Variants in TAFA2 observed in about 807,000 individuals in gnomAD.
TAFA2 encodes the protein TAFA chemokine like family member 2, also known as chemokine-like protein TAFA-2.
In TAFA2, 7 loss-of-function variants were observed where a neutral mutation model predicts 18.8. The observed-to-expected ratio is 0.37, with a 90% CI of 0.21 to 0.70. TAFA2 has a LOEUF of 0.70. Among genes scored for constraint, TAFA2 ranks in the 30% least tolerant of loss-of-function variants. The pLI, the probability that TAFA2 is intolerant of heterozygous loss-of-function variation, is 0.53. For missense variants in TAFA2, 122 were observed against 158.1 expected (o/e 0.77, Z 1.23); for synonymous variants, 60 against 54.2 (o/e 1.11, Z -0.47).
chr12:62,125,370 T>G (rs1013612286), intron 1 of TAFA2, among the ~76,000 whole-genome samples: 2 of 152,074 alleles, frequency 1.3e-5, no homozygotes, highest in Non-Finnish European at 2.9e-5. Flanking sequence ...CACATGCCCA[T>G]GAAGCTGGCC....
chr12:62,006,284 TG>T (rs1441392149), intron 1 of TAFA2, among the ~76,000 whole-genome samples: 1 of 152,194 alleles, frequency 6.6e-6, no homozygotes, highest in Non-Finnish European at 1.5e-5. Flanking sequence ...CACTGCTTTT[TG>T]TTGACAAAGG....
chr12:62,148,027 C>T (rs1312944745), intron 1 of TAFA2, among the ~76,000 whole-genome samples: 2 of 151,598 alleles, frequency 1.3e-5, no homozygotes, highest in African/African-American at 4.9e-5. Context: ...CATCGAACGC[C>T]AGTCAGAATG....
At chr12:62,109,856 T>C (rs1307944847) in intron 1 of TAFA2, among the ~76,000 whole-genome samples, 2 of 152,236 alleles carry the variant, frequency 1.3e-5, no homozygotes, top group Non-Finnish European at 2.9e-5. Flanking sequence ...TGAAGTTGTT[T>C]ATCAGTTTAA....
At chr12:62,234,526 C>G (rs756690957) in intron 1 of TAFA2, 1 of 951,326 alleles carries the variant, frequency 1.1e-6, no homozygotes, top group East Asian at 2.6e-5. Context: ...TTTATATGGT[C>G]AATGTCTGGT....
chr12:62,126,400 T>C lies in TAFA2; in HGVS notation c.-2+64859A>G, dbSNP rs1395395259. On this transcript the variant is annotated intron_variant, in intron 1 of 4. Coordinates refer to ENST00000416284, the MANE Select transcript of TAFA2 (RefSeq NM_178539.5). ...CATATATTTCGTTCCAGATTAGCTG[T>C]TCAGGAATGTTTTTATGTCAAACTG... Among the ~76,000 whole-genome samples the C allele has an allele frequency of 1.3e-5, 2 of 152,088 alleles. 1 individual carries two copies. The highest frequency in any genetic ancestry group is 4.8e-5 in the African/African-American group (2 of 41,420).
intron 1 of TAFA2, among the ~76,000 whole-genome samples, chr12:62,019,309 GC>G: frequency 6.6e-6 from 1 of 152,050 alleles, no homozygotes; most frequent in South Asian, 2.1e-4. Flanking sequence ...ATTTGACCTA[GC>G]CATCCCATTA....
intron 1 of TAFA2, among the ~76,000 whole-genome samples, chr12:62,141,370 T>C (rs2062238001): frequency 6.6e-6 from 1 of 152,280 alleles, no homozygotes; most frequent in East Asian, 1.9e-4. Flanking sequence ...GTTCCAGTTG[T>C]TTCTGCTTGC....
intron 1 of TAFA2, among the ~76,000 whole-genome samples, chr12:62,120,415 T>G (rs1403637427): frequency 1.3e-5 from 2 of 152,188 alleles, no homozygotes; most frequent in Non-Finnish European, 2.9e-5. Context: ...ATAGAAGCAG[T>G]CAATAGCGGT....
At chr12:62,013,297 T>C (rs1880828882) in intron 1 of TAFA2, among the ~76,000 whole-genome samples, 1 of 152,196 alleles carries the variant, frequency 6.6e-6, no homozygotes, top group African/African-American at 2.4e-5. Context: ...TGCCTGCCAG[T>C]ACCCACTCAT....
At chr12:61,995,957 T>C (rs964206215) in intron 1 of TAFA2, among the ~76,000 whole-genome samples, 10 of 152,180 alleles carry the variant, frequency 6.6e-5, no homozygotes, top group South Asian at 4.1e-4. Context: ...ATGTAAATCA[T>C]GTCCCAATAA....
chr12:61,785,174 C>CT (rs888339914), intron 2 of TAFA2, among the ~76,000 whole-genome samples: 11 of 151,498 alleles, frequency 7.3e-5, no homozygotes, highest in South Asian at 4.2e-4. Flanking sequence ...ATAAGATCAA[C>CT]TTTTTTTAGC....
At chr12:62,114,584 T>A (rs11174331) in intron 1 of TAFA2, among the ~76,000 whole-genome samples, 23,605 of 152,178 alleles carry the variant, frequency 0.16, 1,938 homozygotes, top group East Asian at 0.31. Flanking sequence ...ATATCATGGG[T>A]CATGTTGCTA....
intron 4 of TAFA2, among the ~76,000 whole-genome samples, chr12:61,724,926 A>T (rs995690758): frequency 2.1e-5 from 3 of 144,118 alleles, no homozygotes; most frequent in African/African-American, 7.8e-5. Context: ...ACTAGTTTAC[A>T]TTCCCCCCAG....
At chr12:62,121,510 T>C (rs1178185278) in intron 1 of TAFA2, among the ~76,000 whole-genome samples, 2 of 152,100 alleles carry the variant, frequency 1.3e-5, no homozygotes, top group Non-Finnish European at 2.9e-5. Context: ...TATGAGAGAG[T>C]ATTTTTAAAC....
rs189266951 is a variant in TAFA2, at chr12:61,714,817, A to G, written c.385-4400T>C. Among the ~76,000 whole-genome samples the G allele has an allele frequency of 5.4e-3, 822 of 152,280 alleles. 6 individuals are homozygous for G. Among genetic ancestry groups the G allele is most frequent in the African/African-American group, 0.019 (782 of 41,544 alleles). ...CTTACAATCATTATATTGAAGCCTA[A>G]AATTCCTTGTTCCCCCTGTTCAAGT... On this transcript the variant is annotated intron_variant, in intron 4 of 4. Coordinates refer to ENST00000416284, the MANE Select transcript of TAFA2 (RefSeq NM_178539.5).
In TAFA2 at chr12:61,861,859, T is replaced by C. The variant is rs368622541; in HGVS notation, c.106+5461A>G. Among the ~76,000 whole-genome samples the C allele has an allele frequency of 3.3e-5, 5 of 152,242 alleles. No homozygotes were observed. In the East Asian group the frequency reaches 9.6e-4, roughly 29 times the overall value. On this transcript the variant is annotated intron_variant, in intron 2 of 4. Transcript: ENST00000416284. The stretch of plus-strand genomic sequence containing the variant: ...TAAAATTTAAAAAATTTTGTTTTTC[T>C]TTGAAAAAGATCCATTCAATCAAAA...
At chr12:62,090,781 G>T (rs1463756188) in intron 1 of TAFA2, among the ~76,000 whole-genome samples, 4 of 151,982 alleles carry the variant, frequency 2.6e-5, no homozygotes, top group Middle Eastern at 3.2e-3. Flanking sequence ...AGAGTAAGAA[G>T]AATGAACAAA....
intron 2 of TAFA2, among the ~76,000 whole-genome samples, chr12:61,760,379 T>TATATATATATATATAA: frequency 6.7e-6 from 1 of 148,210 alleles, no homozygotes; most frequent in Non-Finnish European, 1.5e-5. Context: ...TATATATATA[T>TATATATATATATATAA]ATATGCGCCA....
intron 1 of TAFA2, among the ~76,000 whole-genome samples, chr12:61,933,439 C>A (rs902735767): frequency 6.6e-6 from 1 of 152,144 alleles, no homozygotes; most frequent in Non-Finnish European, 1.5e-5. Flanking sequence ...TGGATGGGTA[C>A]AGTCTCTCAC....
Sources: allele counts gnomAD v4.1 joint callset (sites outside exome capture counted in the v4.1 genomes callset), GRCh38; gene constraint gnomAD v4.1.1; transcripts MANE v1.5; gene names NCBI Gene and HGNC (gene_info 2026-07-23, HGNC 2026-07-21).